Variants in PSPC1 observed in about 807,000 individuals in gnomAD.
PSPC1 encodes the protein paraspeckle component 1.
A neutral mutation model predicts 51.6 loss-of-function variants in PSPC1; 14 were observed. The observed-to-expected ratio is 0.27, with a 90% confidence interval of 0.18 to 0.42. The LOEUF (loss-of-function observed/expected upper bound fraction) is 0.42, where lower values mean the gene tolerates loss of function less well. Among genes scored for constraint, PSPC1 ranks in the 10% least tolerant of loss-of-function variants. PSPC1 has a pLI of 1.00. For missense variants in PSPC1, 406 were observed against 701.1 expected, an observed-to-expected ratio of 0.58 and a Z score of 4.75; for synonymous variants, 193 against 231.9, an observed-to-expected ratio of 0.83 and a Z score of 1.53.
At position 19,709,550 on chromosome 13, in the gene PSPC1, T is replaced by A; in HGVS notation, c.1208A>T (p.Asn403Ile). 6.2e-7 allele frequency: 1 copy of A among 1,612,114 alleles called. No homozygotes were observed. Among genetic ancestry groups the A allele is most frequent in the East Asian group, 2.2e-5 (1 of 44,766 alleles). The change falls in exon 7 of 9, where the codon AAC (asparagine) becomes ATC (isoleucine). Residue 403 changes from asparagine to isoleucine, a missense_variant. Asn to Ile is a moderately radical substitution (Grantham distance 149). Coordinates refer to ENST00000338910, the MANE Select transcript of PSPC1 (RefSeq NM_001354909.2). Reference sequence around the variant, plus strand: ...TTGCTTCAAATCCCTACCTCCCATGTTTATTGCTCCACGGGGACCCATATC... The same window carrying A: ...TTGCTTCAAATCCCTACCTCCCATGATTATTGCTCCACGGGGACCCATATC... The part of the protein sequence containing the change: ...MGDMGPRGAI[N>I]MGDAFSPAPA...
intron 4 of PSPC1, among the ~76,000 whole-genome samples, chr13:19,748,661 C>T (rs1886238083): frequency 6.6e-6 from 1 of 151,650 alleles, no homozygotes; most frequent in Admixed American, 6.6e-5. Context: ...AATGTTATAC[C>T]ACTGTTCGTA....
At chr13:19,675,997 A>T (rs1298309094) in intron 7 of PSPC1, 1 of 152,242 alleles carries the variant, frequency 6.6e-6, no homozygotes, top group East Asian at 1.9e-4. Context: ...ACTTTAACTG[A>T]AGTAACAGTA....
intron 6 of PSPC1, among the ~76,000 whole-genome samples, chr13:19,727,145 G>C (rs1005957692): frequency 6.6e-6 from 1 of 152,216 alleles, no homozygotes; most frequent in Non-Finnish European, 1.5e-5. Context: ...TGTAATCCCA[G>C]CATTTTGGGA....
At chr13:19,776,939 A>T (rs1165681718) in intron 1 of PSPC1, among the ~76,000 whole-genome samples, 1 of 150,864 alleles carries the variant, frequency 6.6e-6, no homozygotes. Context: ...CAGCCTGGCC[A>T]ACATGGTGAA....
At chr13:19,701,793 C>G (rs1270125119), downstream of PSPC1, among the ~76,000 whole-genome samples, 2 of 152,164 alleles carry the variant, frequency 1.3e-5, no homozygotes, top group Non-Finnish European at 2.9e-5. Flanking sequence ...CATGATATAG[C>G]AAACCATAAT....
intron 6 of PSPC1, among the ~76,000 whole-genome samples, chr13:19,726,635 T>C (rs1593631505): frequency 6.6e-6 from 1 of 152,116 alleles, no homozygotes; most frequent in East Asian, 1.9e-4. Context: ...CTGGGCACAG[T>C]GGCATGTGCT....
intron 6 of PSPC1, among the ~76,000 whole-genome samples, chr13:19,683,319 T>C (rs1213975143): frequency 5.3e-5 from 8 of 152,140 alleles, no homozygotes; most frequent in Non-Finnish European, 1.0e-4. Flanking sequence ...TTTAAAGATA[T>C]GTCATTGAGC....
At chr13:19,773,178 A>C (rs928183372) in intron 1 of PSPC1, among the ~76,000 whole-genome samples, 1 of 152,096 alleles carries the variant, frequency 6.6e-6, no homozygotes, top group Non-Finnish European at 1.5e-5. Flanking sequence ...TAAAAATAAA[A>C]AAACAATAAT....
chr13:19,701,144 G>A (rs1879858986), downstream of PSPC1, among the ~76,000 whole-genome samples: 1 of 151,898 alleles, frequency 6.6e-6, no homozygotes, highest in Non-Finnish European at 1.5e-5. Flanking sequence ...AGGAGATTAA[G>A]ACATCTTTTT....
chr13:19,750,068 AAAGC>A (rs1470078675), intron 4 of PSPC1, among the ~76,000 whole-genome samples: 2 of 152,216 alleles, frequency 1.3e-5, no homozygotes, highest in African/African-American at 2.4e-5. Context: ...ACTTCATTCT[AAAGC>A]AAGTGAGAAT....
At chr13:19,671,621 A>T (rs1199438287), downstream of PSPC1, among the ~76,000 whole-genome samples, 1 of 152,236 alleles carries the variant, frequency 6.6e-6, no homozygotes, top group Admixed American at 6.5e-5. Context: ...AGCTGGACAA[A>T]ATAGTCTCTC....
chr13:19,730,321 C>T lies in PSPC1; in HGVS notation c.1076G>A (p.Arg359His), dbSNP rs199997572. ...QLRHEEEHRRREEEMIRHREQ... is the reference protein window; with the variant it reads ...QLRHEEEHRRHEEEMIRHREQ... ...TCTGTGTCGGATCATTTCTTCCTCA[C>T]GCCGCCGATGCTCCTCTTCATGTCT... Residue 359 changes from arginine (R) to histidine (H), a missense_variant, in exon 6 of 9, where the codon CGT becomes CAT. This residue lies in a region of PSPC1 where 61 missense variants were observed against 78.4 expected (regional missense o/e 0.78). Transcript: ENST00000338910. The T allele has an allele frequency of 1.5e-5, 25 of 1,613,882 alleles. No homozygotes were observed. The African/African-American group carries it at 2.0e-4, about 13-fold the overall frequency.
chr13:19,676,103 G>A (rs547962353), intron 7 of PSPC1, among the ~76,000 whole-genome samples: 1 of 152,242 alleles, frequency 6.6e-6, no homozygotes, highest in South Asian at 2.1e-4. Flanking sequence ...TCTCTTTGAA[G>A]GCCACAGAAT....
At chr13:19,772,998 C>T (rs1173998773) in intron 1 of PSPC1, among the ~76,000 whole-genome samples, 4 of 151,816 alleles carry the variant, frequency 2.6e-5, no homozygotes, top group Non-Finnish European at 5.9e-5. Flanking sequence ...CCCACCTCTA[C>T]TAAAAATACA....
intron 6 of PSPC1, among the ~76,000 whole-genome samples, chr13:19,716,470 T>G (rs563484417): frequency 3.9e-5 from 6 of 152,198 alleles, no homozygotes; most frequent in Non-Finnish European, 8.8e-5. Flanking sequence ...TTTGAGTGAA[T>G]GCAATCTTAA....
At chr13:19,695,545 C>A (rs1879102953) in intron 6 of PSPC1, among the ~76,000 whole-genome samples, 1 of 152,066 alleles carries the variant, frequency 6.6e-6, no homozygotes, top group African/African-American at 2.4e-5. Context: ...ATGCATAAAT[C>A]TACATATTAG....
chr13:19,733,787 AT>A (rs67685770), intron 5 of PSPC1, among the ~76,000 whole-genome samples: 14,363 of 97,004 alleles, frequency 0.15, 864 homozygotes, highest in Admixed American at 0.19. Flanking sequence ...AGAAAAAAAA[AT>A]ATATATATAT....
chr13:19,738,690 A>G (rs9508869), intron 5 of PSPC1, among the ~76,000 whole-genome samples: 141,455 of 152,212 alleles, frequency 0.93, 66,652 homozygotes, highest in East Asian at 1. Flanking sequence ...GGAGGATCAC[A>G]AGGTCACGAG....
At position 19,706,678 on chromosome 13, in the gene PSPC1, GAAAAATTTTTTC is replaced by G. The variant is rs981757449; in HGVS notation, c.1217-859_1217-848del. The stretch of plus-strand genomic sequence containing the variant: ...CAACACATTTTTAGGCATTTTCTTT[GAAAAATTTTTTC>G]CCTTTTAAGTGTTAGTACTTATCAT... On this transcript the variant is annotated intron_variant, in intron 7 of 8. Transcript: ENST00000338910. Among the ~76,000 whole-genome samples the G allele has an allele frequency of 1.2e-3, 188 of 151,826 alleles. 1 individual carries two copies. The highest frequency in any genetic ancestry group is 4.4e-3 in the African/African-American group (182 of 41,392).
Sources: gnomAD v4.1 joint callset for allele counts (sites outside exome capture counted in the v4.1 genomes callset) on GRCh38, gnomAD v4.1.1 for gene constraint, gnomAD v4.1.1 regional missense constraint, MANE v1.5 for transcripts, NCBI Gene and HGNC (gene_info 2026-07-23, HGNC 2026-07-21) for gene names.